The following FGF12 variants were observed in gnomAD, a reference collection of about 807,000 sequenced individuals.
FGF12 encodes fibroblast growth factor 12B.
A neutral mutation model predicts 23.6 loss-of-function variants in FGF12; 14 were observed. The observed-to-expected ratio is 0.59, with a 90% CI of 0.39 to 0.93. The LOEUF is 0.93. FGF12 is among the 40% of genes least tolerant of loss of function. The pLI, the probability that FGF12 is intolerant of heterozygous loss-of-function variation, is 0.00. For missense variants in FGF12, 175 were observed against 217.8 expected (o/e 0.80, Z 1.24); for synonymous variants, 62 against 77.3 (o/e 0.80, Z 1.04).
At chr3:192,707,744 C>CAAAAAAAAAAAAA (rs780175053) in intron 2 of FGF12, among the ~76,000 whole-genome samples, 13 of 84,814 alleles carry the variant, frequency 1.5e-4, no homozygotes, top group African/African-American at 2.0e-4. Flanking sequence ...GACTCCTTCT[C>CAAAAAAAAAAAAA]AAAAAAAAAA....
intron 2 of FGF12, among the ~76,000 whole-genome samples, chr3:192,690,132 T>C (rs1013381415): frequency 5.9e-5 from 9 of 152,024 alleles, no homozygotes; most frequent in African/African-American, 1.4e-4. Context: ...ACCACTGGAA[T>C]TGCTTTATAA....
chr3:192,335,933 T>C lies in FGF12; in HGVS notation c.125-469A>G, dbSNP rs1482558645. The stretch of plus-strand genomic sequence containing the variant: ...TTTCCTTGTTGTTCCAAACATTATA[T>C]TGAACACAGAAGAAGAATGCAAAAA... On this transcript the variant is annotated intron_variant, in intron 3 of 5. Transcript: ENST00000445105. Among the ~76,000 whole-genome samples the C allele has an allele frequency of 2.0e-5, 3 of 152,214 alleles. No homozygotes were observed. The East Asian group carries it at 5.8e-4, about 29-fold the overall frequency.
chr3:192,254,020 A>C (rs1712210831), intron 4 of FGF12, among the ~76,000 whole-genome samples: 1 of 151,952 alleles, frequency 6.6e-6, no homozygotes, highest in South Asian at 2.1e-4. Context: ...TCACATACTT[A>C]TTTTTTTGAG....
chr3:192,415,773 C>CAT, intron 2 of FGF12, among the ~76,000 whole-genome samples: 1 of 151,744 alleles, frequency 6.6e-6, no homozygotes, highest in African/African-American at 2.4e-5. Context: ...CACACACACA[C>CAT]ACACTCATGT....
intron 4 of FGF12, among the ~76,000 whole-genome samples, chr3:192,322,503 G>GACACACACACACACAC (rs3071843): frequency 1.3e-5 from 2 of 149,196 alleles, no homozygotes; most frequent in African/African-American, 4.9e-5. Flanking sequence ...ACCACACGCA[G>GACACACACACACACAC]ACACACACAC....
At chr3:192,317,641 C>T (rs1716299461) in intron 4 of FGF12, among the ~76,000 whole-genome samples, 1 of 152,164 alleles carries the variant, frequency 6.6e-6, no homozygotes, top group African/African-American at 2.4e-5. Context: ...TCTGAACCTA[C>T]ATGGGGGAAA....
intron 2 of FGF12, among the ~76,000 whole-genome samples, chr3:192,630,637 C>G (rs1715352750): frequency 6.6e-6 from 1 of 150,834 alleles, no homozygotes; most frequent in African/African-American, 2.4e-5. Context: ...ACTGCAAGCT[C>G]TGTCTCCCAG....
chr3:192,533,749 C>T (rs1725153257), intron 2 of FGF12, among the ~76,000 whole-genome samples: 1 of 152,156 alleles, frequency 6.6e-6, no homozygotes, highest in Non-Finnish European at 1.5e-5. Context: ...GAAGCGACCC[C>T]ATTTTTCTCT....
At position 192,360,150 on chromosome 3, in the gene FGF12, C is replaced by T. The variant is rs1483195930; in HGVS notation, c.124+278G>A. ...TATTGTTCCTAGGAGTGTGTATCAT[C>T]ATGCTGCCTAAAAACACTGTGATGG... On this transcript the variant is annotated intron_variant, in intron 3 of 5. Transcript: ENST00000445105. This position sits in a 1 kb window ranked among gnomAD's most constrained non-coding sequence, Gnocchi z 4.3. 6.6e-6 allele frequency among the ~76,000 whole-genome samples: 1 copy of T among 152,170 alleles called. No homozygotes were observed. The highest frequency in any genetic ancestry group is 2.1e-4 in the South Asian group (1 of 4,814).
Position 192,270,375 on chromosome 3 carries a change from T to C in FGF12, c.228+64986A>G, listed in dbSNP as rs530118124. Among the ~76,000 whole-genome samples, 20 of 152,278 alleles carry C rather than the reference T, an allele frequency of 1.3e-4. No homozygotes were observed. The South Asian group carries it at 3.9e-3, about 30-fold the overall frequency. ...GAACTTTCTTGAAATTCTCCACTCA[T>C]GCTATTCCACTATATCAACATTTCA... is the stretch of plus-strand genomic sequence containing the variant. On this transcript the variant is annotated intron_variant, in intron 4 of 5. Transcript: ENST00000445105.
At chr3:192,156,547 C>A (rs1714432414) in intron 5 of FGF12, among the ~76,000 whole-genome samples, 1 of 152,128 alleles carries the variant, frequency 6.6e-6, no homozygotes, top group Admixed American at 6.6e-5. Context: ...GCAAGGCCTG[C>A]AAGATAAATA....
At chr3:192,347,912 C>T (rs374919541) in intron 3 of FGF12, among the ~76,000 whole-genome samples, 98 of 152,200 alleles carry the variant, frequency 6.4e-4, no homozygotes, top group African/African-American at 2.3e-3. Flanking sequence ...TCCCATTTTG[C>T]GGATGAGGAA....
intron 4 of FGF12, among the ~76,000 whole-genome samples, chr3:192,192,271 T>C (rs897525522): frequency 6.6e-6 from 1 of 152,036 alleles, no homozygotes; most frequent in Non-Finnish European, 1.5e-5. Flanking sequence ...ATTATGGACT[T>C]TTTGGTAGAA....
chr3:192,637,956 G>T (rs143503308), intron 2 of FGF12, among the ~76,000 whole-genome samples: 102 of 152,314 alleles, frequency 6.7e-4, no homozygotes, highest in Non-Finnish European at 9.0e-4. Flanking sequence ...GAAAAGCTGA[G>T]TCTCTAAAGA....
At chr3:192,350,670 T>C (rs1332655570) in intron 3 of FGF12, among the ~76,000 whole-genome samples, 1 of 152,028 alleles carries the variant, frequency 6.6e-6, no homozygotes, top group Non-Finnish European at 1.5e-5. Context: ...TTGGTGTGTT[T>C]GAGGAACAGC....
At chr3:192,148,133 G>A (rs1170629790) in intron 5 of FGF12, among the ~76,000 whole-genome samples, 1 of 152,076 alleles carries the variant, frequency 6.6e-6, no homozygotes, top group African/African-American at 2.4e-5. Flanking sequence ...ATAAATGAAA[G>A]CAGGGACCCC....
At chr3:192,558,042 T>C (rs892692621) in intron 2 of FGF12, among the ~76,000 whole-genome samples, 1 of 151,836 alleles carries the variant, frequency 6.6e-6, no homozygotes, top group Non-Finnish European at 1.5e-5. Context: ...CCACTTCTAT[T>C]TAACTGAAAT....
intron 4 of FGF12, among the ~76,000 whole-genome samples, chr3:192,279,303 G>T (rs2108637497): frequency 6.7e-6 from 1 of 149,960 alleles, no homozygotes; most frequent in South Asian, 2.1e-4. Context: ...CAGCCACTCT[G>T]TGAGATAAAT....
intron 2 of FGF12, among the ~76,000 whole-genome samples, chr3:192,568,964 C>A (rs76849612): frequency 0.013 from 1,917 of 152,176 alleles, 36 homozygotes; most frequent in African/African-American, 0.043. Flanking sequence ...TTATGAAGGG[C>A]ACACTTACGT....
Sources: allele counts gnomAD v4.1 joint callset (sites outside exome capture counted in the v4.1 genomes callset), GRCh38; gene constraint gnomAD v4.1.1; non-coding constraint Gnocchi (gnomAD v3.1); transcripts MANE v1.5; gene names NCBI Gene and HGNC (gene_info 2026-07-23, HGNC 2026-07-21).